The following CALB2 variants were observed in gnomAD, a reference collection of about 807,000 sequenced individuals.
CALB2 encodes the protein calbindin 2, also known as calretinin.
Under a neutral mutation model 45.9 loss-of-function variants are expected in CALB2, and 34 were observed. The observed-to-expected ratio is 0.74, with a 90% confidence interval of 0.56 to 0.99. The LOEUF is 0.99. Among genes scored for constraint, CALB2 ranks in the 50% least tolerant of loss-of-function variants. CALB2 has a pLI of 0.00. For synonymous variants in CALB2, 142 were observed against 129.6 expected (o/e 1.10, Z -0.65); for missense variants, 344 against 339.3 (o/e 1.01, Z -0.11).
At chr16:71,380,681 C>T (rs556553917) in intron 4 of CALB2, among the ~76,000 whole-genome samples, 8 of 152,072 alleles carry the variant, frequency 5.3e-5, no homozygotes, top group Admixed American at 2.0e-4. Context: ...ATGCCCGCCA[C>T]GGTTTCTGGG....
chr16:71,372,007 G>A, intron 1 of CALB2, 146 bp from the exon 2 acceptor site: 1 of 641,178 alleles, frequency 1.6e-6, no homozygotes, highest in East Asian at 2.7e-5. Flanking sequence ...CTGAGGGCTG[G>A]ACCCACACCC....
At chr16:71,384,195 G>A (rs1326661265) in intron 7 of CALB2, 144 bp from the exon 8 acceptor site, 7 of 1,002,896 alleles carry the variant, frequency 7.0e-6, no homozygotes, top group Admixed American at 3.5e-5. Context: ...TGTCTCCCTC[G>A]TTTTTGAACT....
At chr16:71,365,466 G>A (rs183731380) in intron 1 of CALB2, among the ~76,000 whole-genome samples, 50 of 152,306 alleles carry the variant, frequency 3.3e-4, no homozygotes, top group African/African-American at 1.1e-3. Flanking sequence ...GCATTTCTAA[G>A]AAGCCCCCAA....
intron 1 of CALB2, 114 bp from the exon 2 acceptor site, chr16:71,372,039 C>T (rs997423607): frequency 5.1e-6 from 4 of 778,434 alleles, no homozygotes; most frequent in African/African-American, 1.7e-5. Flanking sequence ...GGCCTAGACA[C>T]CTGCCTGTTG....
At chr16:71,366,522 G>T (rs528596423) in intron 1 of CALB2, among the ~76,000 whole-genome samples, 272 of 150,298 alleles carry the variant, frequency 1.8e-3, no homozygotes, top group Middle Eastern at 7.3e-3. Context: ...GTAGAGATGG[G>T]GTTTCACCAT....
intron 2 of CALB2, among the ~76,000 whole-genome samples, chr16:71,374,092 G>A (rs1304554667): frequency 4.6e-5 from 7 of 152,242 alleles, no homozygotes; most frequent in East Asian, 1.9e-4. Flanking sequence ...CTCAAATCAG[G>A]GGAAGGTTCA....
intron 2 of CALB2, among the ~76,000 whole-genome samples, chr16:71,372,719 T>C (rs1368136081): frequency 6.6e-6 from 1 of 152,170 alleles, no homozygotes; most frequent in Non-Finnish European, 1.5e-5. Context: ...TCCCGGGATC[T>C]ACCCATGAGA....
intron 6 of CALB2, 39 bp downstream of exon 6, chr16:71,383,483 G>A (rs374954837): frequency 1.9e-6 from 3 of 1,590,568 alleles, no homozygotes. Context: ...CAGGGTGCAG[G>A]ACTTGTGCCC....
intron 1 of CALB2, among the ~76,000 whole-genome samples, chr16:71,361,246 G>C (rs1177212032): frequency 8.5e-5 from 13 of 152,198 alleles, no homozygotes; most frequent in Admixed American, 8.5e-4. Flanking sequence ...GAGAAGGAGG[G>C]CCATGAGGAT....
chr16:71,360,736 G>A (rs1433282180), intron 1 of CALB2, among the ~76,000 whole-genome samples: 2 of 152,164 alleles, frequency 1.3e-5, no homozygotes, highest in Non-Finnish European at 2.9e-5. Context: ...TTGTACTTAA[G>A]CACAATTGCA....
chr16:71,380,480 G>A (rs1389147008), intron 4 of CALB2, among the ~76,000 whole-genome samples: 1 of 150,684 alleles, frequency 6.6e-6, no homozygotes, highest in Non-Finnish European at 1.5e-5. Flanking sequence ...GGTGAATTTT[G>A]TATTTTTAAT....
chr16:71,387,206 G>A (rs1412168509), intron 10 of CALB2, among the ~76,000 whole-genome samples: 2 of 152,154 alleles, frequency 1.3e-5, no homozygotes, highest in African/African-American at 2.4e-5. Flanking sequence ...GCTCTTCCTT[G>A]GTTCACACAA....
chr16:71,386,896 A>G (rs1317394791), intron 10 of CALB2, among the ~76,000 whole-genome samples: 1 of 152,136 alleles, frequency 6.6e-6, no homozygotes, highest in South Asian at 2.1e-4. Context: ...ACCTACAATT[A>G]CTCTTGAAAG....
chr16:71,366,397 C>G (rs927185437), intron 1 of CALB2, among the ~76,000 whole-genome samples: 1 of 136,900 alleles, frequency 7.3e-6, no homozygotes, highest in Admixed American at 8.2e-5. Context: ...GTGGCACAAT[C>G]TCACCTCACT....
rs567513210 is a variant in CALB2 at position 71,383,420 on chromosome 16, G to A, written c.453G>A (p.Lys151=). The change falls in exon 6 of 11, where the codon AAG becomes AAA. Residue 151 remains lysine (K), a synonymous_variant. Transcript: ENST00000302628. Reference sequence around the variant, plus strand: ...CGAACCGGCCGTACGATGAGCCCAAGCTCCAGGAATACACCCAAACCATAG... The same window carrying A: ...CGAACCGGCCGTACGATGAGCCCAAACTCCAGGAATACACCCAAACCATAG... ...KKANRPYDEP[K]LQEYTQTILR... The A allele has an allele frequency of 2.2e-5, 36 of 1,614,132 alleles. 1 individual carries two copies. In the South Asian group the frequency reaches 3.6e-4, roughly 16 times the overall value.
At chr16:71,365,390 G>T (rs2042273390) in intron 1 of CALB2, among the ~76,000 whole-genome samples, 1 of 152,304 alleles carries the variant, frequency 6.6e-6, no homozygotes, top group Admixed American at 6.5e-5. Context: ...GTGCTGAAGG[G>T]CTGCTTAGAA....
At chr16:71,369,190 G>A (rs1352615909) in intron 1 of CALB2, among the ~76,000 whole-genome samples, 4 of 152,180 alleles carry the variant, frequency 2.6e-5, no homozygotes, top group Admixed American at 6.5e-5. Flanking sequence ...CATGTTTGAG[G>A]CTCGCTGCAG....
intron 4 of CALB2, among the ~76,000 whole-genome samples, chr16:71,382,011 T>C (rs1247974817): frequency 1.1e-5 from 1 of 87,498 alleles, no homozygotes; most frequent in Non-Finnish European, 2.1e-5. Context: ...AGACCCTGTC[T>C]CAAAAGAGGA....
At chr16:71,361,186 T>G (rs2042235210) in intron 1 of CALB2, among the ~76,000 whole-genome samples, 2 of 152,160 alleles carry the variant, frequency 1.3e-5, no homozygotes. Context: ...CACTGCCATC[T>G]CTACATCACA....
Sources: allele counts gnomAD v4.1 joint callset (sites outside exome capture counted in the v4.1 genomes callset), GRCh38; gene constraint gnomAD v4.1.1; transcripts MANE v1.5; gene names NCBI Gene and HGNC (gene_info 2026-07-23, HGNC 2026-07-21).